The following FERMT2 variants were observed in gnomAD, a reference collection of about 807,000 sequenced individuals.
FERMT2 encodes fermitin family homolog 2.
FERMT2 carries 15 observed loss-of-function variants against 82.7 expected under a neutral mutation model. The observed-to-expected ratio is 0.18, with a 90% CI of 0.12 to 0.28. FERMT2 has a LOEUF of 0.28. FERMT2 is among the 10% of genes least tolerant of loss of function. The pLI is 1.00. For missense variants in FERMT2, 645 were observed against 809.4 expected, an observed-to-expected ratio of 0.80 and a Z score of 2.46; for synonymous variants, 274 against 271.5, an observed-to-expected ratio of 1.01 and a Z score of -0.09.
chr14:52,950,730 C>A, intron 1 of FERMT2, 153 bp from the exon 2 acceptor site: 1 of 672,798 alleles, frequency 1.5e-6, no homozygotes, highest in Non-Finnish European at 2.5e-6. Flanking sequence ...GCCGGGGCTG[C>A]GGGAGGACCC....
At chr14:52,861,865 T>C (rs1225460518) in intron 12 of FERMT2, 5 of 152,210 alleles carry the variant, frequency 3.3e-5, no homozygotes, top group African/African-American at 1.2e-4. Flanking sequence ...TACGAGTCTA[T>C]GCCCAGGTAG....
chr14:52,897,136 C>T (rs1214958592), intron 3 of FERMT2, among the ~76,000 whole-genome samples: 3 of 151,794 alleles, frequency 2.0e-5, no homozygotes, highest in African/African-American at 7.3e-5. Flanking sequence ...TACCATAAGA[C>T]AGGGCAAAAA....
intron 3 of FERMT2, among the ~76,000 whole-genome samples, chr14:52,914,122 G>C (rs1414442888): frequency 6.6e-6 from 1 of 152,058 alleles, no homozygotes; most frequent in Non-Finnish European, 1.5e-5. Context: ...TACTGCTTTG[G>C]GAGGCCGAGG....
intron 6 of FERMT2, among the ~76,000 whole-genome samples, chr14:52,880,265 A>C (rs1886209137): frequency 2.0e-5 from 3 of 152,352 alleles, no homozygotes; most frequent in African/African-American, 7.2e-5. Flanking sequence ...TCAAGAAAAA[A>C]ACGTTTTTTT....
At chr14:52,863,161 T>C (rs1397498590) in intron 12 of FERMT2, 4 of 152,210 alleles carry the variant, frequency 2.6e-5, no homozygotes, top group East Asian at 1.9e-4. Flanking sequence ...CCTCCATTCC[T>C]TACTACTCCC....
chr14:52,889,342 C>T (rs1886799091), intron 4 of FERMT2, among the ~76,000 whole-genome samples: 1 of 152,084 alleles, frequency 6.6e-6, no homozygotes, highest in Non-Finnish European at 1.5e-5. Context: ...CAAAGCTGTC[C>T]AAAGGTCTAG....
At chr14:52,927,846 G>A (rs573931995) in intron 2 of FERMT2, among the ~76,000 whole-genome samples, 1 of 152,076 alleles carries the variant, frequency 6.6e-6, no homozygotes, top group East Asian at 1.9e-4. Context: ...CTAACTTTTT[G>A]AGATAATATT....
intron 10 of FERMT2, among the ~76,000 whole-genome samples, chr14:52,868,215 A>AC (rs1555366137): frequency 4.9e-5 from 7 of 143,608 alleles, no homozygotes; most frequent in African/African-American, 7.7e-5. Context: ...CTCTCTAGGC[A>AC]TTTTTTTTTT....
rs982686931 is a variant in FERMT2 at position 52,878,480 on chromosome 14, G to C, written c.963+102C>G. 9 of 731,414 alleles carry C rather than the reference G, an allele frequency of 1.2e-5. No homozygotes were observed. The African/African-American group carries it at 1.5e-4, about 12-fold the overall frequency. 45.3% of individuals were successfully genotyped at this position (731,414 alleles called of 1,614,324 possible). On this transcript the variant is annotated intron_variant, in intron 7 of 14. Coordinates refer to ENST00000341590, the MANE Select transcript of FERMT2 (RefSeq NM_006832.3). ...TCACTTTCTTCATGGCAAAAATTCT[G>C]TCTCGTGAAATGTTACTGGAATTAC...
intron 3 of FERMT2, among the ~76,000 whole-genome samples, chr14:52,916,712 G>A (rs532554910): frequency 6.6e-5 from 10 of 152,288 alleles, no homozygotes; most frequent in Non-Finnish European, 1.3e-4. Flanking sequence ...GTCAAGGTAG[G>A]TTCACCAGTT....
chr14:52,936,886 G>T (rs1889860927), intron 2 of FERMT2, among the ~76,000 whole-genome samples: 1 of 152,086 alleles, frequency 6.6e-6, no homozygotes, highest in Non-Finnish European at 1.5e-5. Context: ...CGGGAGCAGT[G>T]GCTCATGCTT....
chr14:52,939,052 T>C (rs1889974534), intron 2 of FERMT2, among the ~76,000 whole-genome samples: 1 of 151,766 alleles, frequency 6.6e-6, no homozygotes, highest in Admixed American at 6.6e-5. Flanking sequence ...GTAAAGAGTA[T>C]GTCAGACCTA....
chr14:52,874,379 C>T (rs1379433637), intron 8 of FERMT2, among the ~76,000 whole-genome samples, 153 bp from the exon 9 acceptor site: 2 of 152,100 alleles, frequency 1.3e-5, no homozygotes, highest in Non-Finnish European at 2.9e-5. Context: ...ATTACATAGT[C>T]TTGTGGACCA....
intron 2 of FERMT2, among the ~76,000 whole-genome samples, chr14:52,936,760 C>A (rs1295696286): frequency 6.6e-6 from 1 of 152,198 alleles, no homozygotes; most frequent in Non-Finnish European, 1.5e-5. Context: ...CCTCCCTCCA[C>A]AAATCCTATC....
At chr14:52,880,983 GAACAA>G (rs1886259790) in intron 6 of FERMT2, 48 bp downstream of exon 6, 1 of 1,163,280 alleles carries the variant, frequency 8.6e-7, no homozygotes, top group Non-Finnish European at 1.2e-6. Flanking sequence ...ACATCCATGT[GAACAA>G]AACAAATTAA....
chr14:52,942,554 G>A (rs1044462119), intron 2 of FERMT2, among the ~76,000 whole-genome samples: 4 of 151,620 alleles, frequency 2.6e-5, no homozygotes, highest in African/African-American at 4.8e-5. Context: ...CACCTGCCTC[G>A]GCCTCCCAAA....
intron 3 of FERMT2, among the ~76,000 whole-genome samples, chr14:52,898,501 T>C (rs1211947290): frequency 3.3e-5 from 5 of 152,236 alleles, no homozygotes; most frequent in African/African-American, 1.2e-4. Flanking sequence ...CTAAGATTTA[T>C]CTAATACAAC....
intron 4 of FERMT2, among the ~76,000 whole-genome samples, chr14:52,886,934 A>G (rs1886647049): frequency 6.6e-6 from 1 of 152,208 alleles, no homozygotes; most frequent in African/African-American, 2.4e-5. Context: ...TAAATTTTGT[A>G]ATTAAAAAAT....
chr14:52,899,073 A>G (rs997546164), intron 3 of FERMT2, among the ~76,000 whole-genome samples: 6 of 152,188 alleles, frequency 3.9e-5, no homozygotes, highest in African/African-American at 1.4e-4. Flanking sequence ...TATTTACATT[A>G]GTAAAAGAAT....
Sources: gnomAD v4.1 joint callset for allele counts (sites outside exome capture counted in the v4.1 genomes callset) on GRCh38, gnomAD v4.1.1 for gene constraint, MANE v1.5 for transcripts, NCBI Gene and HGNC (gene_info 2026-07-23, HGNC 2026-07-21) for gene names.